AGAP1: variants seen among roughly 807,000 people sequenced by gnomAD.
The protein encoded by AGAP1 is arf-GAP with GTPase, ANK repeat and PH domain-containing protein 1.
AGAP1 carries 29 observed loss-of-function variants against 105.3 expected under a neutral mutation model. That is an observed-to-expected ratio of 0.28 (90% CI 0.21 to 0.38). The LOEUF is 0.38. Ranked by LOEUF, AGAP1 falls within the 10% of genes least tolerant of loss-of-function variation. The pLI is 1.00. For missense variants in AGAP1, 998 were observed against 1,165.1 expected, an observed-to-expected ratio of 0.86 and a Z score of 2.09; for synonymous variants, 509 against 485.9, an observed-to-expected ratio of 1.05 and a Z score of -0.63.
At chr2:235,871,487 C>G (rs916510151) in intron 9 of AGAP1, among the ~76,000 whole-genome samples, 7 of 152,164 alleles carry the variant, frequency 4.6e-5, no homozygotes. Flanking sequence ...CATTTCCATC[C>G]TAAGGTAGCA....
At chr2:235,710,435 C>T (rs1222169240) in intron 2 of AGAP1, among the ~76,000 whole-genome samples, 2 of 152,220 alleles carry the variant, frequency 1.3e-5, no homozygotes, top group Non-Finnish European at 2.9e-5. Context: ...GTGTCTGACA[C>T]ACCCATCCCC....
chr2:235,885,248 T>C lies in AGAP1; in HGVS notation c.1155+1799T>C, dbSNP rs1426675957. Reference sequence around the variant, plus strand: ...GCCCACAGCCTGCCTTCCTCACTCATAGTAGATATTTTCATGTCAAGAAAT... The same window carrying C: ...GCCCACAGCCTGCCTTCCTCACTCACAGTAGATATTTTCATGTCAAGAAAT... On this transcript the variant is annotated intron_variant, in intron 10 of 17. Coordinates refer to ENST00000304032, the MANE Select transcript of AGAP1 (RefSeq NM_001037131.3). 4.6e-5 allele frequency among the ~76,000 whole-genome samples: 7 copies of C among 152,314 alleles called. No homozygotes were observed. The East Asian group carries it at 1.2e-3, about 25-fold the overall frequency.
At chr2:235,632,961 T>C (rs1408474283) in intron 1 of AGAP1, among the ~76,000 whole-genome samples, 1 of 152,098 alleles carries the variant, frequency 6.6e-6, no homozygotes, top group Non-Finnish European at 1.5e-5. Context: ...GGGTTAGCCC[T>C]AGCCTTGCAG....
chr2:236,019,455 G>A (rs2056816268), intron 13 of AGAP1, among the ~76,000 whole-genome samples: 1 of 152,242 alleles, frequency 6.6e-6, no homozygotes, highest in South Asian at 2.1e-4. Context: ...AGGAACCACA[G>A]TGACCGCATC....
intron 1 of AGAP1, among the ~76,000 whole-genome samples, chr2:235,534,953 C>T (rs1175954422): frequency 6.6e-6 from 1 of 152,100 alleles, no homozygotes; most frequent in Non-Finnish European, 1.5e-5. Context: ...GTCACTCAAG[C>T]GAGTGACAGT....
At chr2:235,565,111 C>G (rs1038936088) in intron 1 of AGAP1, among the ~76,000 whole-genome samples, 1 of 149,986 alleles carries the variant, frequency 6.7e-6, no homozygotes, top group Non-Finnish European at 1.5e-5. Context: ...GAACCACCAC[C>G]CATGGCCAGG....
rs1367015047 is a variant in AGAP1, at chr2:235,550,143, T to G, written c.163+55294T>G. On this transcript the variant is annotated intron_variant, in intron 1 of 17. Transcript: ENST00000304032. The surrounding 1 kb of genome is among the most constrained non-coding windows in gnomAD (Gnocchi z 4.6). ...GACCCTGAGTGGGGCAGAACCATCATCCTGCGTGCAGCCTGCACACTCCCA... is the reference window on the plus strand; with the variant it reads ...GACCCTGAGTGGGGCAGAACCATCAGCCTGCGTGCAGCCTGCACACTCCCA... 3.9e-5 allele frequency among the ~76,000 whole-genome samples: 6 copies of G among 152,192 alleles called. No homozygotes were observed. Among genetic ancestry groups the G allele is most frequent in the African/African-American group, 1.4e-4 (6 of 41,450 alleles).
At chr2:235,605,555 G>A (rs942091774) in intron 1 of AGAP1, among the ~76,000 whole-genome samples, 6 of 152,192 alleles carry the variant, frequency 3.9e-5, no homozygotes, top group African/African-American at 9.6e-5. Flanking sequence ...GCCAAGGCAC[G>A]TGTGGGTCCC....
Position 235,621,368 on chromosome 2 carries a change from A to G in AGAP1, c.164-87811A>G, listed in dbSNP as rs941562240. 3.3e-5 allele frequency among the ~76,000 whole-genome samples: 5 copies of G among 152,232 alleles called. No homozygotes were observed. Among genetic ancestry groups the G allele is most frequent in the Non-Finnish European group, 7.3e-5 (5 of 68,044 alleles). On this transcript the variant is annotated intron_variant, in intron 1 of 17. Transcript: ENST00000304032. This position sits in a 1 kb window ranked among gnomAD's most constrained non-coding sequence, Gnocchi z 4.1. ...CCTTGGTTTCTTCATATGTTTCAATAAAATGGGTATGTTAACAGTCTCTAC... is the reference window on the plus strand; with the variant it reads ...CCTTGGTTTCTTCATATGTTTCAATGAAATGGGTATGTTAACAGTCTCTAC...
chr2:235,781,026 AAAG>A (rs1330147221), intron 6 of AGAP1, among the ~76,000 whole-genome samples: 1 of 152,236 alleles, frequency 6.6e-6, no homozygotes. Flanking sequence ...CATTTTAAAA[AAAG>A]AAACCCAAAC....
At chr2:235,603,435 CCA>C (rs1399771406) in intron 1 of AGAP1, among the ~76,000 whole-genome samples, 1 of 152,134 alleles carries the variant, frequency 6.6e-6, no homozygotes, top group Non-Finnish European at 1.5e-5. Context: ...CTGTGAGCTC[CCA>C]GAGTGCACAG....
chr2:235,817,175 G>T (rs1958506091), intron 9 of AGAP1, among the ~76,000 whole-genome samples: 1 of 152,058 alleles, frequency 6.6e-6, no homozygotes, highest in Non-Finnish European at 1.5e-5. Context: ...ATGGCACTTG[G>T]CATGGCTCTT....
chr2:235,827,094 T>C (rs1959113498), intron 9 of AGAP1, among the ~76,000 whole-genome samples: 1 of 152,188 alleles, frequency 6.6e-6, no homozygotes, highest in African/African-American at 2.4e-5. Flanking sequence ...TCTCCCCAGA[T>C]TGCAGAGGAG....
At chr2:235,513,248 G>GGGCGCGGGCGCT (rs991488189) in intron 1 of AGAP1, among the ~76,000 whole-genome samples, 1 of 151,934 alleles carries the variant, frequency 6.6e-6, no homozygotes, top group South Asian at 2.1e-4. Flanking sequence ...TGCCGGGCGC[G>GGGCGCGGGCGCT]GGTGGCTCAT....
rs1943936176 is a variant in AGAP1 at position 235,555,219 on chromosome 2, C to T, written c.163+60370C>T. On this transcript the variant is annotated intron_variant, in intron 1 of 17. Transcript: ENST00000304032. This position sits in a 1 kb window ranked among gnomAD's most constrained non-coding sequence, Gnocchi z 5.1. ...CCAGAGGCTTGCCCGCCCTGCAGTG[C>T]CATCCTTCTTGCCGCTCCCACCCAC... is the stretch of plus-strand genomic sequence containing the variant. Among the ~76,000 whole-genome samples the T allele has an allele frequency of 6.6e-6, 1 of 152,180 alleles. No homozygotes were observed. The highest frequency in any genetic ancestry group is 2.1e-4 in the South Asian group (1 of 4,824).
In AGAP1 at chr2:235,930,982, CA is replaced by C; in HGVS notation, c.1483+60del. 1 of 1,581,742 alleles carries C rather than the reference CA, an allele frequency of 6.3e-7. No homozygotes were observed. Among genetic ancestry groups the C allele is most frequent in the Non-Finnish European group, 8.6e-7 (1 of 1,162,838 alleles). ...CACCTCAAGGTCCTTCGTTGTAAGC[CA>C]GGGGCTGGACAGGACGCCCTAAGCT... On this transcript the variant is annotated intron_variant, in intron 12 of 17. Coordinates refer to ENST00000304032, the MANE Select transcript of AGAP1 (RefSeq NM_001037131.3). The surrounding 1 kb of genome is among the most constrained non-coding windows in gnomAD (Gnocchi z 7.9).
chr2:235,510,207 T>A (rs939450481), intron 1 of AGAP1, among the ~76,000 whole-genome samples: 2 of 152,202 alleles, frequency 1.3e-5, no homozygotes, highest in African/African-American at 4.8e-5. Flanking sequence ...ATTTGAATCA[T>A]CATGAAACCA....
At chr2:235,617,458 T>C (rs1342293017) in intron 1 of AGAP1, among the ~76,000 whole-genome samples, 2 of 152,164 alleles carry the variant, frequency 1.3e-5, no homozygotes, top group African/African-American at 4.8e-5. Flanking sequence ...TCCGAGCACT[T>C]TGGGAGGCCA....
chr2:235,572,960 C>T (rs965596417), intron 1 of AGAP1, among the ~76,000 whole-genome samples: 6 of 150,208 alleles, frequency 4.0e-5, no homozygotes, highest in Admixed American at 6.6e-5. Context: ...TCAGACTCCC[C>T]GATTGCTCCA....
Sources: allele counts gnomAD v4.1 joint callset (sites outside exome capture counted in the v4.1 genomes callset), GRCh38; gene constraint gnomAD v4.1.1; non-coding constraint Gnocchi (gnomAD v3.1); transcripts MANE v1.5; gene names NCBI Gene and HGNC (gene_info 2026-07-23, HGNC 2026-07-21).